Variants in PAG1 observed in about 807,000 individuals in gnomAD.
PAG1 encodes the protein phosphoprotein associated with glycosphingolipid-enriched microdomains 1.
PAG1 carries 23 observed loss-of-function variants against 31.7 expected under a neutral mutation model. The observed-to-expected ratio is 0.73, with a 90% CI of 0.52 to 1.03. The LOEUF (loss-of-function observed/expected upper bound fraction) is 1.03. Among genes scored for constraint, PAG1 ranks in the 50% least tolerant of loss-of-function variants. PAG1 has a pLI of 0.00. For synonymous variants in PAG1, 214 were observed against 210.3 expected (o/e 1.02, Z -0.15); for missense variants, 473 against 540.7 (o/e 0.87, Z 1.24).
chr8:80,972,540 A>G lies in PAG1; in HGVS notation c.*4004T>C, dbSNP rs1169996341. On this transcript the variant is annotated 3_prime_UTR_variant, in exon 9 of 9. Coordinates refer to ENST00000220597, the MANE Select transcript of PAG1 (RefSeq NM_018440.4). Reference sequence around the variant, plus strand: ...CCGACCTCTGCTCCTGCTACTTGGGAGTCACGTTGTCTTGGCTTCGTCCTG... The same window carrying G: ...CCGACCTCTGCTCCTGCTACTTGGGGGTCACGTTGTCTTGGCTTCGTCCTG... The G allele has an allele frequency of 6.6e-6, 1 of 152,180 alleles. No individual in the cohort carries two copies. The highest frequency in any genetic ancestry group is 1.5e-5 in the Non-Finnish European group (1 of 68,034). 9.4% of individuals were successfully genotyped at this position (152,180 alleles called of 1,614,324 possible).
intron 3 of PAG1, among the ~76,000 whole-genome samples, chr8:81,019,178 A>C (rs192028278): frequency 2.0e-3 from 308 of 152,348 alleles, no homozygotes; most frequent in Non-Finnish European, 3.3e-3. Context: ...AGAAATTTCT[A>C]AGCAGCAAAG....
At chr8:81,084,725 C>T (rs1168762460) in intron 1 of PAG1, among the ~76,000 whole-genome samples, 1 of 152,168 alleles carries the variant, frequency 6.6e-6, no homozygotes, top group African/African-American at 2.4e-5. Context: ...AAATTTTCTT[C>T]CCAATGGCTT....
intron 3 of PAG1, among the ~76,000 whole-genome samples, chr8:81,001,762 AGT>A (rs1470333530): frequency 6.6e-6 from 1 of 152,178 alleles, no homozygotes; most frequent in Non-Finnish European, 1.5e-5. Context: ...CTCAAAGTTC[AGT>A]GCCTTATTTA....
At chr8:81,086,148 A>AT (rs1240168328) in intron 1 of PAG1, among the ~76,000 whole-genome samples, 6 of 150,146 alleles carry the variant, frequency 4.0e-5, no homozygotes, top group Non-Finnish European at 5.9e-5. Flanking sequence ...CGCCCGGCTA[A>AT]TTTTTTGTAT....
chr8:81,087,341 C>CA (rs34830995), intron 1 of PAG1, among the ~76,000 whole-genome samples: 2,813 of 98,024 alleles, frequency 0.029, 113 homozygotes, highest in African/African-American at 0.093. Flanking sequence ...GACTCTGTCT[C>CA]AAAAAAAAAA....
intron 2 of PAG1, among the ~76,000 whole-genome samples, chr8:81,063,671 G>T (rs989509000): frequency 6.6e-6 from 1 of 152,114 alleles, no homozygotes; most frequent in Admixed American, 6.5e-5. Flanking sequence ...GGTGTTTCAC[G>T]AAAAGGTCAT....
intron 1 of PAG1, among the ~76,000 whole-genome samples, chr8:81,102,876 C>T (rs1430587994): frequency 6.6e-6 from 1 of 152,044 alleles, no homozygotes; most frequent in Non-Finnish European, 1.5e-5. Flanking sequence ...TTTAATGTAT[C>T]TGGAGAATTC....
intron 1 of PAG1, among the ~76,000 whole-genome samples, chr8:81,084,663 A>G (rs1194022686): frequency 2.0e-5 from 3 of 152,140 alleles, no homozygotes; most frequent in Non-Finnish European, 2.9e-5. Context: ...TAAGCTGTCT[A>G]TAAGAAGTGG....
chr8:81,108,730 A>G (rs1809730833), intron 1 of PAG1, among the ~76,000 whole-genome samples: 1 of 152,156 alleles, frequency 6.6e-6, no homozygotes, highest in Non-Finnish European at 1.5e-5. Flanking sequence ...GAAGTCTAAC[A>G]AGCTATGGAA....
At chr8:81,071,355 TG>T (rs1256393903) in intron 1 of PAG1, among the ~76,000 whole-genome samples, 1 of 152,146 alleles carries the variant, frequency 6.6e-6, no homozygotes, top group Non-Finnish European at 1.5e-5. Context: ...AGAACCCACT[TG>T]CCAAGAGTCC....
chr8:81,032,648 T>C (rs1808395390), intron 2 of PAG1, among the ~76,000 whole-genome samples: 1 of 152,180 alleles, frequency 6.6e-6, no homozygotes, highest in Non-Finnish European at 1.5e-5. Context: ...CGCAGCTGCT[T>C]TGAAACAGTC....
rs371190545 is a variant in PAG1 at position 80,968,565 on chromosome 8, A to C, written c.*7979T>G. ...ATGAGCAAGATACAAACATTCTGGG[A>C]TGGATGGTAGATGGATGCTACACTC... On this transcript the variant is annotated 3_prime_UTR_variant, in exon 9 of 9. Transcript: ENST00000220597. 3 of 152,218 alleles carry C rather than the reference A, an allele frequency of 2.0e-5. No individual in the cohort carries two copies. Among genetic ancestry groups the C allele is most frequent in the Non-Finnish European group, 4.4e-5 (3 of 68,030 alleles). 9.4% of individuals were successfully genotyped at this position (152,218 alleles called of 1,614,324 possible).
intron 3 of PAG1, among the ~76,000 whole-genome samples, chr8:80,997,274 A>T (rs1243139656): frequency 6.6e-6 from 1 of 152,070 alleles, no homozygotes. Context: ...TATTACATAG[A>T]ATATTATTTC....
intron 1 of PAG1, among the ~76,000 whole-genome samples, chr8:81,100,875 A>G (rs892388347): frequency 1.3e-5 from 2 of 152,174 alleles, no homozygotes. Context: ...GGAAATACAT[A>G]AGAGAAGTGT....
intron 3 of PAG1, among the ~76,000 whole-genome samples, chr8:81,008,147 C>T (rs994170677): frequency 2.6e-5 from 4 of 152,134 alleles, no homozygotes; most frequent in Admixed American, 6.6e-5. Context: ...CTAACAGTTA[C>T]GTGATTTCTA....
chr8:81,108,083 T>C (rs1003746247), intron 1 of PAG1, among the ~76,000 whole-genome samples: 1 of 152,206 alleles, frequency 6.6e-6, no homozygotes, highest in Non-Finnish European at 1.5e-5. Context: ...AGCCACTAAA[T>C]AGATAACAGA....
rs544766386 is a variant in PAG1, at chr8:81,051,913, G to C, written c.-175+18199C>G. Among the ~76,000 whole-genome samples, 5 of 152,032 alleles carry C rather than the reference G, an allele frequency of 3.3e-5. No individual in the cohort carries two copies. The East Asian group carries it at 5.8e-4, about 18-fold the overall frequency. On this transcript the variant is annotated intron_variant, in intron 2 of 8. Transcript: ENST00000220597. The stretch of plus-strand genomic sequence containing the variant: ...TGGGAGGCTGAGGTGGGCGGATCAC[G>C]AGGTCAGGAGATCGAGACCGTCCTG...
At chr8:81,104,862 A>G (rs538166672) in intron 1 of PAG1, among the ~76,000 whole-genome samples, 1 of 152,174 alleles carries the variant, frequency 6.6e-6, no homozygotes, top group African/African-American at 2.4e-5. Context: ...TCATTCTAAA[A>G]AAGTACTCAA....
intron 1 of PAG1, among the ~76,000 whole-genome samples, chr8:81,077,580 T>C (rs745886562): frequency 6.6e-6 from 1 of 152,256 alleles, no homozygotes; most frequent in Non-Finnish European, 1.5e-5. Context: ...AAACATTAAT[T>C]TCTTCAGGTG....
Sources: gnomAD v4.1 joint callset for allele counts (sites outside exome capture counted in the v4.1 genomes callset) on GRCh38, gnomAD v4.1.1 for gene constraint, MANE v1.5 for transcripts, NCBI Gene and HGNC (gene_info 2026-07-23, HGNC 2026-07-21) for gene names.